The following DPP8 variants were observed in gnomAD, a reference collection of about 807,000 sequenced individuals.
DPP8 encodes dipeptidyl peptidase 8, also known as DPP VIII.
DPP8 carries 31 observed loss-of-function variants against 107.5 expected under a neutral mutation model. The observed-to-expected ratio is 0.29, with a 90% confidence interval of 0.22 to 0.39. DPP8 has a LOEUF of 0.39. Ranked by LOEUF, DPP8 falls within the 10% of genes least tolerant of loss-of-function variation. The pLI is 1.00. For synonymous variants in DPP8, 381 were observed against 356.6 expected, an observed-to-expected ratio of 1.07 and a Z score of -0.77; for missense variants, 842 against 1,076.1, an observed-to-expected ratio of 0.78 and a Z score of 3.04.
chr15:65,508,073 A>G (rs530545531), intron 2 of DPP8, among the ~76,000 whole-genome samples: 4 of 151,778 alleles, frequency 2.6e-5, no homozygotes, highest in Admixed American at 1.3e-4. Flanking sequence ...CCTTGTCTGT[A>G]CTAAAAATAC....
intron 5 of DPP8, among the ~76,000 whole-genome samples, chr15:65,493,094 T>A (rs1254373254): frequency 6.6e-6 from 1 of 151,574 alleles, no homozygotes; most frequent in Non-Finnish European, 1.5e-5. Context: ...CTTTCTCTCT[T>A]TTTTTTTAGA....
intron 11 of DPP8, among the ~76,000 whole-genome samples, chr15:65,478,572 T>C (rs918880630): frequency 6.6e-6 from 1 of 152,200 alleles, no homozygotes; most frequent in Non-Finnish European, 1.5e-5. Context: ...AAATAGTTTT[T>C]TTTAAATGGG....
intron 5 of DPP8, among the ~76,000 whole-genome samples, 174 bp downstream of exon 5, chr15:65,497,690 T>C (rs2068745902): frequency 6.6e-6 from 1 of 152,228 alleles, no homozygotes; most frequent in Non-Finnish European, 1.5e-5. Flanking sequence ...ATATTATACA[T>C]GTGGTACATA....
chr15:65,462,044 C>T (rs974704204), intron 15 of DPP8, among the ~76,000 whole-genome samples: 1 of 152,134 alleles, frequency 6.6e-6, no homozygotes, highest in Non-Finnish European at 1.5e-5. Flanking sequence ...TCTCAGCTCA[C>T]TGCAACCTCC....
At chr15:65,514,710 C>A (rs1017079206) in intron 1 of DPP8, among the ~76,000 whole-genome samples, 1 of 152,140 alleles carries the variant, frequency 6.6e-6, no homozygotes, top group Non-Finnish European at 1.5e-5. Context: ...CGGGGTTTCA[C>A]CATCTTGGCC....
At chr15:65,466,617 C>A in intron 14 of DPP8, 61 bp downstream of exon 14, 1 of 1,431,926 alleles carries the variant, frequency 7.0e-7, no homozygotes, top group Non-Finnish European at 9.8e-7. Context: ...ATATGACACA[C>A]GTTTAGTGTA....
intron 5 of DPP8, among the ~76,000 whole-genome samples, chr15:65,492,808 G>A (rs1417427814): frequency 6.6e-6 from 1 of 151,990 alleles, no homozygotes; most frequent in Non-Finnish European, 1.5e-5. Context: ...ATGTTTCCCA[G>A]GCTGGTCTCA....
Position 65,507,230 on chromosome 15 carries a change from C to T in DPP8, c.372+13G>A, listed in dbSNP as rs1013598935. ...ATACACCAAATCATAGGAATAACAA[C>T]ATTTAATCCTACCTGAAAAAGATCC... On this transcript the variant is annotated intron_variant, in intron 3 of 19. Coordinates refer to ENST00000300141, the MANE Select transcript of DPP8 (RefSeq NM_130434.5). The T allele has an allele frequency of 6.8e-7, 1 of 1,470,602 alleles. No homozygotes were observed. The highest frequency in any genetic ancestry group is 1.4e-5 in the African/African-American group (1 of 71,368). The allele number at this position is 1,470,602 out of a possible 1,614,324, so 91.1% of individuals were successfully genotyped here.
At chr15:65,466,579 TG>T (rs747850935) in intron 14 of DPP8, 98 bp downstream of exon 14, 6 of 1,108,086 alleles carry the variant, frequency 5.4e-6, no homozygotes, top group Non-Finnish European at 8.1e-6. Context: ...TGGTGAGAGA[TG>T]GAAAGACTTG....
intron 14 of DPP8, among the ~76,000 whole-genome samples, chr15:65,464,669 G>A (rs1321345856): frequency 1.3e-5 from 2 of 152,104 alleles, no homozygotes; most frequent in African/African-American, 2.4e-5. Context: ...CAGCCTGAGC[G>A]ACAGAACAAG....
intron 2 of DPP8, 51 bp from the exon 3 acceptor site, chr15:65,507,406 C>T (rs2070186867): frequency 8.3e-7 from 1 of 1,200,520 alleles, no homozygotes; most frequent in Non-Finnish European, 1.2e-6. Flanking sequence ...AGCATTCTTA[C>T]TACAGTCACA....
chr15:65,510,097 G>A (rs185089125), intron 2 of DPP8, among the ~76,000 whole-genome samples: 1 of 151,978 alleles, frequency 6.6e-6, no homozygotes, highest in African/African-American at 2.4e-5. Context: ...GCAGATTGCT[G>A]GAGCTCAGGA....
intron 15 of DPP8, among the ~76,000 whole-genome samples, chr15:65,456,746 AT>A (rs2064454491): frequency 6.6e-6 from 1 of 152,170 alleles, no homozygotes. Flanking sequence ...CAGACATCAG[AT>A]ATGACTGCTG....
rs909245603 is a variant in DPP8, at chr15:65,446,181, TAC to T, written c.*701_*702del. On this transcript the variant is annotated 3_prime_UTR_variant, in exon 20 of 20. Coordinates refer to ENST00000300141, the MANE Select transcript of DPP8 (RefSeq NM_130434.5). Reference sequence around the variant, plus strand: ...TGACTAATTAAATCCATGCTACATATACAGTTACTAGCCTTTATGCAAAAGGA... The same window carrying T: ...TGACTAATTAAATCCATGCTACATATAGTTACTAGCCTTTATGCAAAAGGA... The T allele has an allele frequency of 6.6e-5, 10 of 152,192 alleles. No individual in the cohort carries two copies. The highest frequency in any genetic ancestry group is 4.6e-4 in the Admixed American group (7 of 15,266). 9.4% of individuals were successfully genotyped at this position (152,192 alleles called of 1,614,324 possible).
In DPP8 at chr15:65,451,971, C is replaced by T. The variant is rs755678224; in HGVS notation, c.2403G>A (p.Lys801=). ...AAGCTTGCACTTACTCAGAGGGGAACTTTTCTGCTTGCATGGCCACAGATC... is the reference window on the plus strand; with the variant it reads ...AAGCTTGCACTTACTCAGAGGGGAATTTTTCTGCTTGCATGGCCACAGATC... ...YLGSVAMQAE[K]FPSEPNRLLL... The change falls in exon 18 of 20, where the codon AAG becomes AAA. Residue 801 remains lysine, a synonymous_variant. Coordinates refer to ENST00000300141, the MANE Select transcript of DPP8 (RefSeq NM_130434.5). 2.5e-6 allele frequency: 4 copies of T among 1,575,830 alleles called. No homozygotes were observed. The highest frequency in any genetic ancestry group is 3.4e-6 in the Non-Finnish European group (4 of 1,160,962).
At chr15:65,508,889 G>A (rs1277128141) in intron 2 of DPP8, among the ~76,000 whole-genome samples, 1 of 151,892 alleles carries the variant, frequency 6.6e-6, no homozygotes, top group East Asian at 1.9e-4. Flanking sequence ...AAAAGCTGGA[G>A]GAGTGAAGGA....
At chr15:65,507,037 GAA>G (rs2070118458) in intron 3 of DPP8, among the ~76,000 whole-genome samples, 1 of 152,108 alleles carries the variant, frequency 6.6e-6, no homozygotes, top group South Asian at 2.1e-4. Context: ...TAAACAGGGA[GAA>G]AGCAGTTTAA....
chr15:65,452,052 T>A lies in DPP8; in HGVS notation c.2322A>T (p.Gly774=). 1 of 1,612,252 alleles carries A rather than the reference T, an allele frequency of 6.2e-7. No homozygotes were observed. The highest frequency in any genetic ancestry group is 8.5e-7 in the Non-Finnish European group (1 of 1,179,232). ...PVTLWIFYDT[G]YTERYMGHPD... ...GGTGACCCATATAACGTTCCGTGTATCCTGTATCATAGAAGATCCACAGAG... is the reference window on the plus strand; with the variant it reads ...GGTGACCCATATAACGTTCCGTGTAACCTGTATCATAGAAGATCCACAGAG... Residue 774 remains glycine, a synonymous_variant, in exon 18 of 20, where the codon GGA becomes GGT. Coordinates refer to ENST00000300141, the MANE Select transcript of DPP8 (RefSeq NM_130434.5).
chr15:65,500,821 ACC>A (rs1455097993), intron 3 of DPP8, 42 bp from the exon 4 acceptor site: 1 of 1,507,074 alleles, frequency 6.6e-7, no homozygotes, highest in South Asian at 1.2e-5. Context: ...CTTCTGAAAA[ACC>A]ATCTTTTGCT....
Sources: allele counts gnomAD v4.1 joint callset (sites outside exome capture counted in the v4.1 genomes callset), GRCh38; gene constraint gnomAD v4.1.1; transcripts MANE v1.5; gene names NCBI Gene and HGNC (gene_info 2026-07-23, HGNC 2026-07-21).